TBCK: variants seen among roughly 807,000 people sequenced by gnomAD.
TBCK encodes the protein TBC1 domain containing kinase.
In TBCK, 99 loss-of-function variants were observed where a neutral mutation model predicts 113.4. That is an observed-to-expected ratio of 0.87 (90% confidence interval 0.74 to 1.03). The LOEUF (loss-of-function observed/expected upper bound fraction) is 1.03, where lower values mean the gene tolerates loss of function less well. Among genes scored for constraint, TBCK ranks in the 50% least tolerant of loss-of-function variants. The pLI is 0.00. For synonymous variants in TBCK, 369 were observed against 370.8 expected (o/e 1.00, Z 0.05); for missense variants, 1,045 against 1,061.3 (o/e 0.98, Z 0.21).
intron 25 of TBCK, among the ~76,000 whole-genome samples, chr4:106,076,253 G>T (rs773262052): frequency 2.0e-5 from 3 of 152,104 alleles, no homozygotes; most frequent in Non-Finnish European, 4.4e-5. Context: ...ATCCATGACT[G>T]GGATTATTAC....
In TBCK at chr4:106,251,968, T is replaced by C. The variant is rs906796662; in HGVS notation, c.495A>G (p.Gly165=). Residue 165 remains glycine, a synonymous_variant, in exon 6 of 26, where the codon GGA becomes GGG. Coordinates refer to ENST00000394708, the MANE Select transcript of TBCK (RefSeq NM_001163435.3). The stretch of plus-strand genomic sequence containing the variant: ...GCATGTGATCAGTGGTTTTGAAAAT[T>C]CCCTGTGCAATTACCTCAGGGGCCA... ...SYLAPEVIAQ[G]IFKTTDHMPS... 1 of 1,611,760 alleles carries C rather than the reference T, an allele frequency of 6.2e-7. No individual in the cohort carries two copies. The highest frequency in any genetic ancestry group is 2.2e-5 in the East Asian group (1 of 44,818).
chr4:106,197,260 T>C (rs1227262138), intron 20 of TBCK, among the ~76,000 whole-genome samples: 1 of 151,704 alleles, frequency 6.6e-6, no homozygotes, highest in East Asian at 1.9e-4. Context: ...TCCTGGAAGA[T>C]TCTGCCAGAG....
Position 106,197,432 on chromosome 4 carries a change from T to TAA in TBCK, c.1861-2680_1861-2679dup, listed in dbSNP as rs1553957947. Reference sequence around the variant, plus strand: ...GTGTGTATATATATATATATATATATAATACAAAGTAGGGCAGAAACCACT... The same window carrying TAA: ...GTGTGTATATATATATATATATATATAAAATACAAAGTAGGGCAGAAACCACT... On this transcript the variant is annotated intron_variant, in intron 20 of 25. Transcript: ENST00000394708. Among the ~76,000 whole-genome samples, 13 of 146,476 alleles carry TAA rather than the reference T, an allele frequency of 8.9e-5. 1 individual carries two copies. The highest frequency in any genetic ancestry group is 8.6e-4 in the South Asian group (4 of 4,656).
chr4:106,062,408 G>T (rs990883407), intron 25 of TBCK, among the ~76,000 whole-genome samples: 2 of 151,692 alleles, frequency 1.3e-5, no homozygotes, highest in African/African-American at 4.8e-5. Context: ...TATGACATTT[G>T]GGAACTGAAT....
intron 2 of TBCK, among the ~76,000 whole-genome samples, chr4:106,296,881 G>A (rs1332924039): frequency 2.0e-5 from 3 of 152,078 alleles, no homozygotes; most frequent in Non-Finnish European, 4.4e-5. Flanking sequence ...AAAAGGTCAA[G>A]TTACTTACTT....
chr4:106,103,978 CT>C (rs1345513970), intron 24 of TBCK, among the ~76,000 whole-genome samples: 1 of 152,206 alleles, frequency 6.6e-6, no homozygotes, highest in Non-Finnish European at 1.5e-5. Flanking sequence ...TCTCACAGGT[CT>C]TTGCAACCCT....
chr4:106,188,283 G>A (rs1348420197), intron 22 of TBCK, among the ~76,000 whole-genome samples: 1 of 151,958 alleles, frequency 6.6e-6, no homozygotes, highest in African/African-American at 2.4e-5. Flanking sequence ...CATTCTTATT[G>A]CAATATCTAT....
intron 25 of TBCK, among the ~76,000 whole-genome samples, chr4:106,063,504 G>A (rs1736283924): frequency 6.6e-6 from 1 of 151,906 alleles, no homozygotes; most frequent in South Asian, 2.1e-4. Flanking sequence ...GTCTTATGAA[G>A]TTATTTTGAC....
At chr4:106,231,694 T>C (rs1453720283) in intron 18 of TBCK, 35 bp downstream of exon 18, 2 of 1,569,422 alleles carry the variant, frequency 1.3e-6, no homozygotes, top group Admixed American at 1.8e-5. Context: ...TAGAATATTA[T>C]GCGCAATGAT....
At position 106,233,442 on chromosome 4, in the gene TBCK, C is replaced by T. The variant is rs532582668; in HGVS notation, c.1512+146G>A. 239 of 664,950 alleles carry T rather than the reference C, an allele frequency of 3.6e-4. 5 individuals carry two copies. The Admixed American group carries it at 6.8e-3, about 19-fold the overall frequency. 41.2% of individuals were successfully genotyped at this position (664,950 alleles called of 1,614,324 possible). On this transcript the variant is annotated intron_variant, in intron 16 of 25. Transcript: ENST00000394708. ...GGTATTGTTCTTACTAATTTATAAG[C>T]ATAAGAGTTATGGTTTCTCTAACAA...
At position 106,242,401 on chromosome 4, in the gene TBCK, C is replaced by T. The variant is rs73838172; in HGVS notation, c.1170+69G>A. The T allele has an allele frequency of 4.0e-3, 4,709 of 1,172,008 alleles. 130 individuals are homozygous for T. In the African/African-American group the frequency reaches 0.061, roughly 15 times the overall value. 72.6% of individuals were successfully genotyped at this position (1,172,008 alleles called of 1,614,324 possible). ...GAAATCAAAGAGGCATACAAGATTT[C>T]TTGTGTATCTGTAAGGTTTTAATTA... On this transcript the variant is annotated intron_variant, in intron 12 of 25. Coordinates refer to ENST00000394708, the MANE Select transcript of TBCK (RefSeq NM_001163435.3).
At chr4:106,067,308 C>T (rs972618942) in intron 25 of TBCK, among the ~76,000 whole-genome samples, 1 of 152,016 alleles carries the variant, frequency 6.6e-6, no homozygotes, top group Non-Finnish European at 1.5e-5. Flanking sequence ...AAGTCTTTTG[C>T]CCATTTCTTA....
At chr4:106,313,263 T>TACAA (rs1768385744) in intron 1 of TBCK, among the ~76,000 whole-genome samples, 1 of 152,030 alleles carries the variant, frequency 6.6e-6, no homozygotes, top group Non-Finnish European at 1.5e-5. Flanking sequence ...GAGAGCCTGG[T>TACAA]GCAGTGGCTT....
chr4:106,237,389 C>G (rs1015098935), intron 12 of TBCK: 28 of 377,406 alleles, frequency 7.4e-5, no homozygotes, highest in Non-Finnish European at 3.7e-5. Flanking sequence ...ACAACCCTGA[C>G]AGGATTACAG....
intron 25 of TBCK, among the ~76,000 whole-genome samples, chr4:106,079,592 A>T (rs1446585291): frequency 6.6e-6 from 1 of 152,212 alleles, no homozygotes; most frequent in Admixed American, 6.5e-5. Flanking sequence ...CTAGGAATAT[A>T]TCTAACTAAG....
chr4:106,279,981 T>A (rs927155771), intron 3 of TBCK, among the ~76,000 whole-genome samples: 12 of 152,286 alleles, frequency 7.9e-5, no homozygotes, highest in African/African-American at 2.6e-4. Flanking sequence ...ATGATAGCCT[T>A]ATTTTTAGTT....
At chr4:106,222,559 G>T (rs1005243187) in intron 19 of TBCK, among the ~76,000 whole-genome samples, 2 of 152,014 alleles carry the variant, frequency 1.3e-5, no homozygotes, top group African/African-American at 4.8e-5. Flanking sequence ...TAAAACAAAT[G>T]TTTTCCTCAG....
At chr4:106,150,854 C>A (rs929705881) in intron 23 of TBCK, among the ~76,000 whole-genome samples, 2 of 151,980 alleles carry the variant, frequency 1.3e-5, no homozygotes, top group African/African-American at 4.8e-5. Flanking sequence ...ACTAGTATAA[C>A]CTTTTTTGTA....
intron 22 of TBCK, among the ~76,000 whole-genome samples, chr4:106,174,624 A>C (rs1035055312): frequency 2.0e-5 from 3 of 152,104 alleles, no homozygotes; most frequent in African/African-American, 7.2e-5. Flanking sequence ...GTTACACAAA[A>C]AGTATGTTTT....
Sources: gnomAD v4.1 joint callset for allele counts (sites outside exome capture counted in the v4.1 genomes callset) on GRCh38, gnomAD v4.1.1 for gene constraint, MANE v1.5 for transcripts, NCBI Gene and HGNC (gene_info 2026-07-23, HGNC 2026-07-21) for gene names.